Variants in TMEM94 observed in about 807,000 individuals in gnomAD.
TMEM94 encodes ER Mg2+ ATPase.
In TMEM94, 81 loss-of-function variants were observed where a neutral mutation model predicts 158.6. The ratio of observed to expected loss-of-function variants is 0.51; its 90% CI spans 0.43 to 0.61. The LOEUF (loss-of-function observed/expected upper bound fraction) is 0.61. Among genes scored for constraint, TMEM94 ranks in the 20% least tolerant of loss-of-function variants. The pLI is 0.00. For missense variants in TMEM94, 1,435 were observed against 1,762.0 expected, an observed-to-expected ratio of 0.81 and a Z score of 3.32; for synonymous variants, 751 against 730.7, an observed-to-expected ratio of 1.03 and a Z score of -0.45.
chr17:75,499,125 T>C (rs1567985256), intron 31 of TMEM94, 43 bp downstream of exon 31: 7 of 1,576,048 alleles, frequency 4.4e-6, no homozygotes, highest in Non-Finnish European at 6.0e-6. Flanking sequence ...TCAGGCATGT[T>C]CCCTAAACCT....
intron 1 of TMEM94, among the ~76,000 whole-genome samples, chr17:75,465,915 T>G (rs1334924136): frequency 1.3e-5 from 2 of 151,834 alleles, no homozygotes; most frequent in Non-Finnish European, 2.9e-5. Context: ...TTGTTTTCTT[T>G]TATTTGTTTG....
Position 75,499,337 on chromosome 17 carries a change from C to T in TMEM94, c.*3C>T. The T allele has an allele frequency of 6.2e-7, 1 of 1,613,396 alleles. No individual in the cohort carries two copies. The highest frequency in any genetic ancestry group is 8.5e-7 in the Non-Finnish European group (1 of 1,179,752). ...TGGGCATGAACTCTCCCTTCTGAGC[C>T]ACTGGCTGTGGTGGCTGTAGTTGCC... On this transcript the variant is annotated 3_prime_UTR_variant, in exon 32 of 32. Transcript: ENST00000314256.
chr17:75,461,289 G>A (rs1321832705), intron 1 of TMEM94, among the ~76,000 whole-genome samples: 8 of 151,404 alleles, frequency 5.3e-5, no homozygotes, highest in Admixed American at 1.3e-4. Context: ...TAGTAGAGCC[G>A]GGGTTTCGCC....
In TMEM94 at chr17:75,493,005, A is replaced by G. The variant is rs769308814; in HGVS notation, c.1989A>G (p.Thr663=). Residue 663 remains threonine (T), a synonymous_variant, in exon 16 of 32, where the codon ACA becomes ACG. Transcript: ENST00000314256. The part of the protein sequence containing the change: ...LALYRLPSAE[T]MKETSLGRLS... ...TGTACCGCCTCCCCAGTGCCGAGAC[A>G]ATGAAGGAGACATCGCTGGGGCGGC... is the stretch of plus-strand genomic sequence containing the variant. 6.2e-6 allele frequency: 10 copies of G among 1,613,706 alleles called. No homozygotes were observed. Among genetic ancestry groups the G allele is most frequent in the Non-Finnish European group, 8.5e-6 (10 of 1,180,034 alleles).
chr17:75,464,668 CTTCCTTCCTTCTTTCTTTCT>C (rs1567906957), intron 1 of TMEM94, among the ~76,000 whole-genome samples: 11 of 103,948 alleles, frequency 1.1e-4, no homozygotes, highest in Middle Eastern at 4.6e-3. Flanking sequence ...TCCTTCCTTC[CTTCCTTCCTTCTTTCTTTCT>C]TTCTTTCTTT....
chr17:75,486,501 AC>A, intron 5 of TMEM94, 75 bp downstream of exon 5: 1 of 1,580,954 alleles, frequency 6.3e-7, no homozygotes, highest in Non-Finnish European at 8.6e-7. Flanking sequence ...CCCCTCCTGC[AC>A]CCCAGCACAG....
At chr17:75,472,133 G>A (rs942725971) in intron 2 of TMEM94, among the ~76,000 whole-genome samples, 1 of 152,220 alleles carries the variant, frequency 6.6e-6, no homozygotes, top group Non-Finnish European at 1.5e-5. Context: ...AAGGATGAAG[G>A]TGGACCTATT....
At position 75,486,336 on chromosome 17, in the gene TMEM94, C is replaced by T. The variant is rs1265583858; in HGVS notation, c.319C>T (p.Leu107Phe). ...VNASALFLLL[L>F]LNLVLIGRQD... ...TGCCTCGGCCTTGTTCCTGTTACTGCTTCTCAACCTTGTGCTCATCGGGCG... is the reference window on the plus strand; with the variant it reads ...TGCCTCGGCCTTGTTCCTGTTACTGTTTCTCAACCTTGTGCTCATCGGGCG... Residue 107 changes from leucine to phenylalanine, a missense_variant, in exon 5 of 32, where the codon CTT becomes TTT. Physicochemically the swap from Leu to Phe is conservative, Grantham distance 22. This residue lies in a region of TMEM94 where 1,051 missense variants were observed against 1,254.4 expected (regional missense o/e 0.84). Coordinates refer to ENST00000314256, the MANE Select transcript of TMEM94 (RefSeq NM_014738.6). 8 of 1,614,082 alleles carry T rather than the reference C, an allele frequency of 5.0e-6. No homozygotes were observed. The Admixed American group carries it at 1.0e-4, about 20-fold the overall frequency.
Position 75,488,082 on chromosome 17 carries a change from TCA to T in TMEM94, c.561_562del (p.Ile188SerfsTer18), listed in dbSNP as rs1320771990. ...GTCAGCCTGCTGGTTGAAGGAGACATCATAGCTTTGAGGCCTGGCCAGGAATC... is the reference window on the plus strand; with the variant it reads ...GTCAGCCTGCTGGTTGAAGGAGACATTAGCTTTGAGGCCTGGCCAGGAATC... On this transcript the variant is annotated frameshift_variant, in exon 6 of 32. Transcript: ENST00000314256. LOFTEE classifies it high-confidence loss of function. The T allele has an allele frequency of 1.4e-5, 23 of 1,614,002 alleles. No individual in the cohort carries two copies. In the Admixed American group the frequency reaches 3.8e-4, roughly 27 times the overall value.
At chr17:75,484,141 G>A (rs1336890355) in intron 2 of TMEM94, among the ~76,000 whole-genome samples, 2 of 152,250 alleles carry the variant, frequency 1.3e-5, no homozygotes, top group Non-Finnish European at 2.9e-5. Flanking sequence ...TCCTTGGTGA[G>A]ATGGGAGTGT....
In TMEM94 at chr17:75,491,022, C is replaced by T; in HGVS notation, c.1129-27C>T. The T allele has an allele frequency of 6.4e-7, 1 of 1,554,818 alleles. No individual in the cohort carries two copies. The highest frequency in any genetic ancestry group is 2.2e-5 in the East Asian group (1 of 44,470). On this transcript the variant is annotated intron_variant, in intron 11 of 31. Coordinates refer to ENST00000314256, the MANE Select transcript of TMEM94 (RefSeq NM_014738.6). The surrounding 1 kb of genome is among the most constrained non-coding windows in gnomAD (Gnocchi z 5.1). ...GGAAATGAGGCTGAGCCCTAAATGG[C>T]CTTGCAGACTTCCTCTCTCCCACCA...
At chr17:75,474,701 G>T (rs1214703003) in intron 2 of TMEM94, among the ~76,000 whole-genome samples, 1 of 152,180 alleles carries the variant, frequency 6.6e-6, no homozygotes. Flanking sequence ...TCTTGGAGGA[G>T]TAGGCTTTGG....
In TMEM94 at chr17:75,500,120, G is replaced by A. The variant is rs535826752; in HGVS notation, c.*786G>A. The A allele has an allele frequency of 1.3e-5, 2 of 152,480 alleles. No individual in the cohort carries two copies. Among genetic ancestry groups the A allele is most frequent in the South Asian group, 4.1e-4 (2 of 4,822 alleles). 9.4% of individuals were successfully genotyped at this position (152,480 alleles called of 1,614,324 possible). A position where few individuals can be genotyped will look rare whatever the true frequency, so the allele number is the denominator to read the frequency against. On this transcript the variant is annotated 3_prime_UTR_variant, in exon 32 of 32. Transcript: ENST00000314256. ...TGGCTGGTCTGTAAGGCCACTCCAG[G>A]GTCTGCCCACCCCCGGCGGTGGCTG...
rs778665802 is a variant in TMEM94, at chr17:75,486,008, C to A, written c.272+10C>A. On this transcript the variant is annotated intron_variant, in intron 4 of 31. Coordinates refer to ENST00000314256, the MANE Select transcript of TMEM94 (RefSeq NM_014738.6). ...GACAGCCAGCCGGGAGGTGTGCGCC[C>A]AGGGGCTGCTCCCCAACCTCTCCAG... 4 of 1,547,348 alleles carry A rather than the reference C, an allele frequency of 2.6e-6. No homozygotes were observed. The Admixed American group carries it at 7.3e-5, about 28-fold the overall frequency.
At position 75,492,675 on chromosome 17, in the gene TMEM94, G is replaced by C. The variant is rs368308720; in HGVS notation, c.1798G>C (p.Glu600Gln). ...LLNLCDASVT[E>Q]RLCRFSDHLC... ...GAACCTGTGTGATGCCAGCGTCACC[G>C]AGCGCCTGTGCCGATTCTCCGACCA... Residue 600 changes from glutamate to glutamine, a missense_variant, in exon 15 of 32, where the codon GAG (glutamate) becomes CAG (glutamine). Coordinates refer to ENST00000314256, the MANE Select transcript of TMEM94 (RefSeq NM_014738.6). This position sits in a 1 kb window ranked among gnomAD's most constrained non-coding sequence, Gnocchi z 4.4. 6.2e-7 allele frequency: 1 copy of C among 1,613,744 alleles called. No individual in the cohort carries two copies. The highest frequency in any genetic ancestry group is 8.5e-7 in the Non-Finnish European group (1 of 1,180,016).
rs762218438 is a variant in TMEM94, at chr17:75,486,339, C to T, written c.322C>T (p.Leu108Phe). Reference protein sequence around the residue: ...NASALFLLLLLNLVLIGRQDR... With the variant: ...NASALFLLLLFNLVLIGRQDR... ...CTCGGCCTTGTTCCTGTTACTGCTT[C>T]TCAACCTTGTGCTCATCGGGCGGCA... Residue 108 changes from leucine (L) to phenylalanine (F), a missense_variant, in exon 5 of 32, where the codon CTC becomes TTC. Transcript: ENST00000314256. 27 of 1,614,096 alleles carry T rather than the reference C, an allele frequency of 1.7e-5. No homozygotes were observed. The highest frequency in any genetic ancestry group is 9.3e-5 in the African/African-American group (7 of 74,928).
chr17:75,488,046 T>C lies in TMEM94; in HGVS notation c.524T>C (p.Val175Ala). 7 of 1,614,180 alleles carry C rather than the reference T, an allele frequency of 4.3e-6. No individual in the cohort carries two copies. The highest frequency in any genetic ancestry group is 5.9e-6 in the Non-Finnish European group (7 of 1,180,024). ...LHWAYRDGHL[V>A]NLPVSLLVEG... Reference sequence around the variant, plus strand: ...TGGGCCTACAGAGACGGACACCTGGTCAACCTGCCAGTCAGCCTGCTGGTT... The same window carrying C: ...TGGGCCTACAGAGACGGACACCTGGCCAACCTGCCAGTCAGCCTGCTGGTT... Residue 175 changes from valine (V) to alanine (A), a missense_variant, in exon 6 of 32, where the codon GTC becomes GCC. By Grantham distance (64) the Val-to-Ala change is moderately conservative. This residue lies in a region of TMEM94 where 1,051 missense variants were observed against 1,254.4 expected (regional missense o/e 0.84). Transcript: ENST00000314256.
rs1217925647 is a variant in TMEM94 at position 75,495,835 on chromosome 17, C to T, written c.2945-131C>T. 10 of 802,688 alleles carry T rather than the reference C, an allele frequency of 1.2e-5. No homozygotes were observed. The highest frequency in any genetic ancestry group is 2.3e-5 in the Admixed American group (1 of 43,244). The allele number at this position is 802,688 out of a possible 1,614,324, so 49.7% of individuals were successfully genotyped here. A position where few individuals can be genotyped will look rare whatever the true frequency, so the allele number is the denominator to read the frequency against. On this transcript the variant is annotated intron_variant, in intron 22 of 31. Transcript: ENST00000314256. The surrounding 1 kb of genome is among the most constrained non-coding windows in gnomAD (Gnocchi z 5.6). ...GCCGATGTTCACATGATCCCGCTGC[C>T]GGGGGTGGGATTGTTTCAAAGAGGG...
Position 75,492,788 on chromosome 17 carries a change from T to A in TMEM94, c.1911T>A (p.Ile637=). 6.2e-7 allele frequency: 1 copy of A among 1,604,118 alleles called. No homozygotes were observed. Among genetic ancestry groups the A allele is most frequent in the Non-Finnish European group, 8.5e-7 (1 of 1,177,886 alleles). ...PWGLCELARL[I]GFTPGAKELF... is the part of the protein sequence containing the mutation. ...GCCTCTGCGAGCTTGCCCGCCTCATTGGTACAGGTCCCCATGGCAGGGGAT... is the reference window on the plus strand; with the variant it reads ...GCCTCTGCGAGCTTGCCCGCCTCATAGGTACAGGTCCCCATGGCAGGGGAT... Residue 637 remains isoleucine, a splice_region_variant and synonymous_variant, in exon 15 of 32, where the codon ATT becomes ATA. Transcript: ENST00000314256. The surrounding 1 kb of genome is among the most constrained non-coding windows in gnomAD (Gnocchi z 4.4).
Sources: gnomAD v4.1 joint callset for allele counts (sites outside exome capture counted in the v4.1 genomes callset) on GRCh38, gnomAD v4.1.1 for gene constraint, gnomAD v4.1.1 regional missense constraint, Gnocchi (gnomAD v3.1) non-coding constraint, MANE v1.5 for transcripts, NCBI Gene and HGNC (gene_info 2026-07-23, HGNC 2026-07-21) for gene names.